Variants in SWT1 observed in about 807,000 individuals in gnomAD.
SWT1 encodes the protein transcriptional protein SWT1.
SWT1 carries 33 observed loss-of-function variants against 107.3 expected under a neutral mutation model. That is an observed-to-expected ratio of 0.31 (90% CI 0.23 to 0.41). SWT1 has a LOEUF of 0.41. Among genes scored for constraint, SWT1 ranks in the 10% least tolerant of loss-of-function variants. The pLI, the probability that SWT1 is intolerant of heterozygous loss-of-function variation, is 1.00. For synonymous variants in SWT1, 345 were observed against 348.3 expected, an observed-to-expected ratio of 0.99 and a Z score of 0.11; for missense variants, 898 against 1,028.9, an observed-to-expected ratio of 0.87 and a Z score of 1.74.
At chr1:185,253,574 GCT>G (rs1662226781) in intron 16 of SWT1, among the ~76,000 whole-genome samples, 1 of 149,534 alleles carries the variant, frequency 6.7e-6, no homozygotes, top group Non-Finnish European at 1.5e-5. Flanking sequence ...TCATGATTTG[GCT>G]CTCTGTTTGT....
rs903143692 is a variant in SWT1, at chr1:185,159,667, T to G, written c.-9-1166T>G. ...GCAAGTATGTATGTAGACATTACTG[T>G]GTACCAACCTATGCAAGATGTATAT... On this transcript the variant is annotated intron_variant, in intron 1 of 18. Coordinates refer to ENST00000367500, the MANE Select transcript of SWT1 (RefSeq NM_017673.7). Among the ~76,000 whole-genome samples the G allele has an allele frequency of 2.6e-5, 4 of 152,204 alleles. No individual in the cohort carries two copies. In the South Asian group the frequency reaches 8.3e-4, roughly 31 times the overall value.
intron 4 of SWT1, chr1:185,171,493 A>T: frequency 3.3e-6 from 1 of 306,202 alleles, no homozygotes; most frequent in South Asian, 2.8e-5. Flanking sequence ...GGCATCTCGG[A>T]AGTCATGGTG....
chr1:185,277,463 T>C (rs1664319556), intron 18 of SWT1, among the ~76,000 whole-genome samples: 1 of 152,064 alleles, frequency 6.6e-6, no homozygotes, highest in African/African-American at 2.4e-5. Flanking sequence ...TAATTTTTTG[T>C]ATTTTTAGTA....
At chr1:185,218,589 G>A (rs766581451) in intron 14 of SWT1, among the ~76,000 whole-genome samples, 49 of 152,140 alleles carry the variant, frequency 3.2e-4, no homozygotes, top group Non-Finnish European at 5.9e-4. Context: ...AGGATTACAC[G>A]CATGAACCGT....
chr1:185,206,313 C>T (rs748995601), intron 12 of SWT1, among the ~76,000 whole-genome samples: 3 of 152,092 alleles, frequency 2.0e-5, no homozygotes, highest in Non-Finnish European at 4.4e-5. Flanking sequence ...TTTCTTATAG[C>T]GATGACTGCG....
rs544547256 is a variant in SWT1 at position 185,250,267 on chromosome 1, A to G, written c.2441+18559A>G. 1.6e-4 allele frequency among the ~76,000 whole-genome samples: 24 copies of G among 152,292 alleles called. No homozygotes were observed. The South Asian group carries it at 5.0e-3, about 32-fold the overall frequency. On this transcript the variant is annotated intron_variant, in intron 16 of 18. Coordinates refer to ENST00000367500, the MANE Select transcript of SWT1 (RefSeq NM_017673.7). Reference sequence around the variant, plus strand: ...CTCAGCCTCCCTCGTAGCTGTCACCATAAGAATGTGAGAGGCAACCATTCT... The same window carrying G: ...CTCAGCCTCCCTCGTAGCTGTCACCGTAAGAATGTGAGAGGCAACCATTCT...
At chr1:185,218,697 T>C (rs905710412) in intron 14 of SWT1, among the ~76,000 whole-genome samples, 8 of 152,134 alleles carry the variant, frequency 5.3e-5, no homozygotes, top group African/African-American at 1.9e-4. Context: ...CTAAAAAAAA[T>C]AGGACTTGCT....
At chr1:185,250,617 A>C (rs1661937900) in intron 16 of SWT1, among the ~76,000 whole-genome samples, 1 of 152,112 alleles carries the variant, frequency 6.6e-6, no homozygotes, top group Non-Finnish European at 1.5e-5. Flanking sequence ...TTAGACTCCA[A>C]ATGTCTAAAA....
At chr1:185,182,114 C>A in intron 7 of SWT1, 57 bp downstream of exon 7, 2 of 1,501,760 alleles carry the variant, frequency 1.3e-6, no homozygotes, top group Non-Finnish European at 1.8e-6. Flanking sequence ...AATTAATGTG[C>A]CAATATTCAA....
chr1:185,174,331 T>C lies in SWT1; in HGVS notation c.225-41T>C, dbSNP rs374474729. On this transcript the variant is annotated intron_variant, in intron 4 of 18. Transcript: ENST00000367500. ...TAAAATGATAGAGTGCAACATTATG[T>C]ATAATTATAATGTAACCTAGGTTTC... 6.9e-6 allele frequency: 10 copies of C among 1,454,888 alleles called. No individual in the cohort carries two copies. The East Asian group carries it at 7.1e-5, about 10-fold the overall frequency. The allele number at this position is 1,454,888 out of a possible 1,614,324, so 90.1% of individuals were successfully genotyped here.
At chr1:185,222,576 G>T (rs1214877791) in intron 15 of SWT1, among the ~76,000 whole-genome samples, 1 of 151,460 alleles carries the variant, frequency 6.6e-6, no homozygotes, top group Non-Finnish European at 1.5e-5. Flanking sequence ...GGCCAACATG[G>T]TGAAACCCCA....
chr1:185,167,372 C>G lies in SWT1; in HGVS notation c.165+720C>G, dbSNP rs570580883. ...AGCAGATTAAACACAATACGCTAAT[C>G]CATAGGTTAGTGGTAATGTACTTAG... is the stretch of plus-strand genomic sequence containing the variant. On this transcript the variant is annotated intron_variant, in intron 3 of 18. Transcript: ENST00000367500. Among the ~76,000 whole-genome samples the G allele has an allele frequency of 2.0e-5, 3 of 152,260 alleles. No homozygotes were observed. The South Asian group carries it at 6.2e-4, about 32-fold the overall frequency.
At chr1:185,178,649 CAAAGGGT>C (rs1389473500) in intron 5 of SWT1, among the ~76,000 whole-genome samples, 1 of 151,956 alleles carries the variant, frequency 6.6e-6, no homozygotes, top group Admixed American at 6.6e-5. Flanking sequence ...ATAGAGAGAG[CAAAGGGT>C]AATAGTAACC....
In SWT1 at chr1:185,280,802, G is replaced by A. The variant is rs537894194; in HGVS notation, c.2573+4134G>A. ...AGTTCTTGCCACTGTTGGTGTTGGC[G>A]AGTGGCAGGGAGCCAGGACTTGAGG... On this transcript the variant is annotated intron_variant, in intron 18 of 18. Transcript: ENST00000367500. The A allele has an allele frequency of 3.6e-5, 11 of 306,244 alleles. No individual in the cohort carries two copies. In the East Asian group the frequency reaches 5.2e-4, roughly 15 times the overall value. The allele number at this position is 306,244 out of a possible 1,614,324, so 19.0% of individuals were successfully genotyped here. A position where few individuals can be genotyped will look rare whatever the true frequency, so the allele number is the denominator to read the frequency against.
At chr1:185,221,774 GC>G in intron 14 of SWT1, 74 bp from the exon 15 acceptor site, 1 of 1,018,282 alleles carries the variant, frequency 9.8e-7, no homozygotes. Context: ...ACATTTGTAA[GC>G]ACAGTTGCCA....
chr1:185,197,932 T>C (rs1031273469), intron 10 of SWT1, among the ~76,000 whole-genome samples: 15 of 152,164 alleles, frequency 9.9e-5, no homozygotes, highest in African/African-American at 3.6e-4. Flanking sequence ...TGTGTCTCTA[T>C]CTCCTTCAGT....
chr1:185,206,605 T>C lies in SWT1; in HGVS notation c.1834-20T>C. ...AATAATAAATCTAGAGATGTTAATT[T>C]TTTTCTACATACTCTTTAGATCCTG... On this transcript the variant is annotated intron_variant, in intron 12 of 18. Transcript: ENST00000367500. The C allele has an allele frequency of 7.0e-7, 1 of 1,421,508 alleles. No homozygotes were observed. Among genetic ancestry groups the C allele is most frequent in the Non-Finnish European group, 9.3e-7 (1 of 1,070,912 alleles). 88.1% of individuals were successfully genotyped at this position (1,421,508 alleles called of 1,614,324 possible). A position where few individuals can be genotyped will look rare whatever the true frequency, so the allele number is the denominator to read the frequency against.
At chr1:185,258,176 G>A (rs775033744) in intron 16 of SWT1, among the ~76,000 whole-genome samples, 1 of 151,908 alleles carries the variant, frequency 6.6e-6, no homozygotes, top group African/African-American at 2.4e-5. Context: ...TATTCTTAAC[G>A]TAATAAATGT....
At chr1:185,254,650 T>C in intron 16 of SWT1, among the ~76,000 whole-genome samples, 1 of 152,066 alleles carries the variant, frequency 6.6e-6, no homozygotes, top group Non-Finnish European at 1.5e-5. Context: ...TTTTATTGTG[T>C]CTATTTGATT....
Sources: gnomAD v4.1 joint callset for allele counts (sites outside exome capture counted in the v4.1 genomes callset) on GRCh38, gnomAD v4.1.1 for gene constraint, MANE v1.5 for transcripts, NCBI Gene and HGNC (gene_info 2026-07-23, HGNC 2026-07-21) for gene names.